SPTB: variants seen among roughly 807,000 people sequenced by gnomAD.
SPTB encodes the protein spectrin beta, erythrocytic.
In SPTB, 45 loss-of-function variants were observed where a neutral mutation model predicts 256.2. The ratio of observed to expected loss-of-function variants is 0.18; its 90% CI spans 0.14 to 0.23. The LOEUF (loss-of-function observed/expected upper bound fraction) is 0.23. Among genes scored for constraint, SPTB ranks in the 10% least tolerant of loss-of-function variants. The pLI is 1.00. For missense variants in SPTB, 2,715 were observed against 3,040.4 expected (o/e 0.89, Z 2.52); for synonymous variants, 1,231 against 1,243.1 (o/e 0.99, Z 0.21).
At chr14:64,849,679 T>A (rs1217624128) in intron 1 of SPTB, among the ~76,000 whole-genome samples, 1 of 152,192 alleles carries the variant, frequency 6.6e-6, no homozygotes, top group Non-Finnish European at 1.5e-5. Context: ...TGAGGGCCAT[T>A]CCTAGTATGA....
At chr14:64,780,243 C>T (rs56361624) in intron 20 of SPTB, among the ~76,000 whole-genome samples, 51,902 of 151,954 alleles carry the variant, frequency 0.34, 11,228 homozygotes, top group African/African-American at 0.61. Flanking sequence ...AAGTTTCAGA[C>T]TGTGCTCAAA....
intron 2 of SPTB, among the ~76,000 whole-genome samples, chr14:64,808,458 C>T (rs1191169155): frequency 6.6e-6 from 1 of 152,156 alleles, no homozygotes; most frequent in African/African-American, 2.4e-5. Flanking sequence ...ACTGGGTGAC[C>T]TGAAACCCTT....
intron 1 of SPTB, among the ~76,000 whole-genome samples, chr14:64,831,421 A>G (rs183287438): frequency 5.3e-5 from 8 of 152,380 alleles, no homozygotes; most frequent in Non-Finnish European, 1.0e-4. Context: ...AATTCATAGT[A>G]GTGAAAACCT....
intron 1 of SPTB, among the ~76,000 whole-genome samples, chr14:64,868,492 G>C (rs552321829): frequency 6.6e-6 from 1 of 152,196 alleles, no homozygotes; most frequent in Non-Finnish European, 1.5e-5. Context: ...AAGCAAATAA[G>C]GACAGCAGCA....
intron 1 of SPTB, among the ~76,000 whole-genome samples, chr14:64,878,077 C>G (rs1882911685): frequency 1.3e-5 from 2 of 152,220 alleles, no homozygotes; most frequent in South Asian, 4.1e-4. Flanking sequence ...CTTCCCAGAA[C>G]TCAAGATCAA....
intron 1 of SPTB, among the ~76,000 whole-genome samples, chr14:64,861,745 G>A (rs2083974720): frequency 6.6e-6 from 1 of 152,168 alleles, no homozygotes; most frequent in Non-Finnish European, 1.5e-5. Context: ...GCTTTCCTCT[G>A]TAGTTCCTGA....
At chr14:64,830,075 C>T (rs2083429691) in intron 1 of SPTB, among the ~76,000 whole-genome samples, 1 of 152,144 alleles carries the variant, frequency 6.6e-6, no homozygotes, top group South Asian at 2.1e-4. Flanking sequence ...GGTAGCTCCC[C>T]GCTCTGTTAG....
chr14:64,783,719 G>A (rs1354214612), intron 19 of SPTB, among the ~76,000 whole-genome samples: 2 of 152,136 alleles, frequency 1.3e-5, no homozygotes, highest in Admixed American at 1.3e-4. Context: ...AGCAAAGGTA[G>A]TGATTTCCAC....
At position 64,852,717 on chromosome 14, in the gene SPTB, G is replaced by A. The variant is rs1401360611; in HGVS notation, c.-52+27075C>T. Among the ~76,000 whole-genome samples the A allele has an allele frequency of 6.6e-6, 1 of 152,184 alleles. No individual in the cohort carries two copies. Among genetic ancestry groups the A allele is most frequent in the Non-Finnish European group, 1.5e-5 (1 of 68,040 alleles). ...GTGGATGATGGTCCTATCAACCAAG[G>A]TAGTGATTACAAGACAAGGAGGAAG... On this transcript the variant is annotated intron_variant, in intron 1 of 35. Coordinates refer to ENST00000644917, the MANE Select transcript of SPTB (RefSeq NM_001355436.2). The surrounding 1 kb of genome is among the most constrained non-coding windows in gnomAD (Gnocchi z 4.2).
At chr14:64,809,574 T>C (rs1431544609) in intron 2 of SPTB, among the ~76,000 whole-genome samples, 1 of 152,164 alleles carries the variant, frequency 6.6e-6, no homozygotes, top group Non-Finnish European at 1.5e-5. Context: ...CTTGAACTCC[T>C]GACCTCGTGA....
At chr14:64,851,930 G>A (rs1452835737) in intron 1 of SPTB, among the ~76,000 whole-genome samples, 4 of 152,140 alleles carry the variant, frequency 2.6e-5, no homozygotes, top group African/African-American at 4.8e-5. Flanking sequence ...TAATACCTAG[G>A]TGATGGGTTG....
intron 33 of SPTB, 115 bp from the exon 34 acceptor site, chr14:64,750,269 A>G: frequency 9.4e-7 from 1 of 1,062,104 alleles, no homozygotes; most frequent in Non-Finnish European, 1.3e-6. Context: ...ATACATAGTA[A>G]CATGTTTTAT....
In SPTB at chr14:64,795,761, C is replaced by T. The variant is rs2139604032; in HGVS notation, c.1342-122G>A. ...GATGGGAAAGCACATTCCCAAGAAG[C>T]AGCTAGTTCTGCCTTACTTTTGCAG... is the stretch of plus-strand genomic sequence containing the variant. On this transcript the variant is annotated intron_variant, in intron 11 of 35. Coordinates refer to ENST00000644917, the MANE Select transcript of SPTB (RefSeq NM_001355436.2). The surrounding 1 kb of genome is among the most constrained non-coding windows in gnomAD (Gnocchi z 6.5). 9.6e-7 allele frequency: 1 copy of T among 1,043,096 alleles called. No homozygotes were observed. Among genetic ancestry groups the T allele is most frequent in the East Asian group, 2.5e-5 (1 of 39,560 alleles). The allele number at this position is 1,043,096 out of a possible 1,614,324, so 64.6% of individuals were successfully genotyped here.
Position 64,771,102 on chromosome 14 carries a change from G to T in SPTB, c.5581C>A (p.Arg1861Ser). ...QVQQFQDVAT[R>S]LQTAYAGEKA... ...TCCCCAGCATATGCTGTCTGCAGAC[G>T]GGTGGCCACGTCCTGGAACTGCTGC... The change falls in exon 27 of 36, where the codon CGT (arginine) becomes AGT (serine). Residue 1861 changes from arginine to serine, a missense_variant. Physicochemically the swap from Arg to Ser is moderately radical, Grantham distance 110. This residue lies in a region of SPTB where 2,239 missense variants were observed against 2,384.4 expected (regional missense o/e 0.94). Transcript: ENST00000644917. The T allele has an allele frequency of 6.2e-7, 1 of 1,613,960 alleles. No individual in the cohort carries two copies. The highest frequency in any genetic ancestry group is 8.5e-7 in the Non-Finnish European group (1 of 1,180,032).
rs535097811 is a variant in SPTB at position 64,843,078 on chromosome 14, G to A, written c.-51-19933C>T. On this transcript the variant is annotated intron_variant, in intron 1 of 35. Transcript: ENST00000644917. ...AGACCCTGTCTCAAAAAAAAAGGGG[G>A]AGGGAAGACATATAGAAGTAGAAAC... Among the ~76,000 whole-genome samples the A allele has an allele frequency of 2.0e-4, 30 of 152,240 alleles. No individual in the cohort carries two copies. The South Asian group carries it at 6.2e-3, about 32-fold the overall frequency.
At chr14:64,842,557 T>A (rs2083623831) in intron 1 of SPTB, among the ~76,000 whole-genome samples, 1 of 152,206 alleles carries the variant, frequency 6.6e-6, no homozygotes, top group Non-Finnish European at 1.5e-5. Flanking sequence ...GTAATAGTCA[T>A]CACCTCACAG....
Position 64,749,781 on chromosome 14 carries a change from T to C in SPTB, c.6777-85A>G, listed in dbSNP as rs1448329348. The C allele has an allele frequency of 1.3e-6, 2 of 1,553,350 alleles. No homozygotes were observed. Among genetic ancestry groups the C allele is most frequent in the Non-Finnish European group, 1.8e-6 (2 of 1,137,596 alleles). On this transcript the variant is annotated intron_variant, in intron 34 of 35. Coordinates refer to ENST00000644917, the MANE Select transcript of SPTB (RefSeq NM_001355436.2). The surrounding 1 kb of genome is among the most constrained non-coding windows in gnomAD (Gnocchi z 4.7). ...GGCTGGCTCTGATCCCACAATACCC[T>C]GAGCCGAACATCCAGACCCCTCTCA...
intron 2 of SPTB, among the ~76,000 whole-genome samples, chr14:64,819,243 G>C (rs1326190796): frequency 6.6e-6 from 1 of 152,222 alleles, no homozygotes; most frequent in Non-Finnish European, 1.5e-5. Flanking sequence ...AGATGAGCCA[G>C]ATGGCTTGTT....
At chr14:64,820,060 T>C (rs1341396251) in intron 2 of SPTB, among the ~76,000 whole-genome samples, 1 of 152,178 alleles carries the variant, frequency 6.6e-6, no homozygotes, top group Non-Finnish European at 1.5e-5. Flanking sequence ...ACCTTCAGTT[T>C]CAGAAGAAGA....
Sources: gnomAD v4.1 joint callset for allele counts (sites outside exome capture counted in the v4.1 genomes callset) on GRCh38, gnomAD v4.1.1 for gene constraint, gnomAD v4.1.1 regional missense constraint, Gnocchi (gnomAD v3.1) non-coding constraint, MANE v1.5 for transcripts, NCBI Gene and HGNC (gene_info 2026-07-23, HGNC 2026-07-21) for gene names.